Variants in SHROOM3 observed in about 807,000 individuals in gnomAD.
SHROOM3 encodes protein Shroom3.
SHROOM3 carries 47 observed loss-of-function variants against 138.6 expected under a neutral mutation model. The observed-to-expected ratio is 0.34, with a 90% CI of 0.27 to 0.43. The LOEUF is 0.43. SHROOM3 is among the 20% of genes least tolerant of loss of function. SHROOM3 has a pLI of 1.00. For missense variants in SHROOM3, 2,491 were observed against 2,596.5 expected (o/e 0.96, Z 0.88); for synonymous variants, 1,062 against 1,063.3 (o/e 1.00, Z 0.02).
intron 1 of SHROOM3, among the ~76,000 whole-genome samples, chr4:76,494,398 C>T (rs149084763): frequency 4.6e-5 from 7 of 152,248 alleles, no homozygotes; most frequent in African/African-American, 1.2e-4. Context: ...TAACATTGTG[C>T]GCTACTAGTT....
intron 1 of SHROOM3, among the ~76,000 whole-genome samples, chr4:76,476,595 A>C (rs567511324): frequency 1.7e-4 from 26 of 152,330 alleles, no homozygotes; most frequent in African/African-American, 6.3e-4. Flanking sequence ...CTTGGTTATC[A>C]GTTTTACTTA....
intron 4 of SHROOM3, among the ~76,000 whole-genome samples, chr4:76,735,568 G>A (rs1022137292): frequency 6.6e-6 from 1 of 151,692 alleles, no homozygotes; most frequent in Non-Finnish European, 1.5e-5. Context: ...GGCTGGGCAC[G>A]GTGGCTCACG....
At position 76,552,115 on chromosome 4, in the gene SHROOM3, C is replaced by T. The variant is rs967660951; in HGVS notation, c.169-3494C>T. Among the ~76,000 whole-genome samples, 10 of 150,232 alleles carry T rather than the reference C, an allele frequency of 6.7e-5. No individual in the cohort carries two copies. In the East Asian group the frequency reaches 1.5e-3, roughly 23 times the overall value. ...TGACCTTGTGATCCGCCCGCCTCGG[C>T]CCCCCTAAATTGCTGGGATTACAGG... On this transcript the variant is annotated intron_variant, in intron 1 of 10. Transcript: ENST00000296043.
At chr4:76,681,629 G>GTGTGTGTGTATGTATGTA (rs1553936181) in intron 2 of SHROOM3, among the ~76,000 whole-genome samples, 1 of 150,934 alleles carries the variant, frequency 6.6e-6, no homozygotes, top group African/African-American at 2.5e-5. Flanking sequence ...GTGTGTGTGT[G>GTGTGTGTGTATGTATGTA]TGTGTATGTG....
chr4:76,729,184 C>T (rs975692629), intron 3 of SHROOM3, among the ~76,000 whole-genome samples: 2 of 152,118 alleles, frequency 1.3e-5, no homozygotes, highest in African/African-American at 2.4e-5. Context: ...AGGGTGATTA[C>T]GAAATTTACC....
intron 2 of SHROOM3, among the ~76,000 whole-genome samples, chr4:76,596,005 A>G (rs1262091945): frequency 2.0e-5 from 3 of 152,168 alleles, no homozygotes; most frequent in African/African-American, 7.2e-5. Context: ...TTACCCCTGC[A>G]TGCACACACA....
chr4:76,495,136 C>T (rs1471124172), intron 1 of SHROOM3, among the ~76,000 whole-genome samples: 1 of 152,214 alleles, frequency 6.6e-6, no homozygotes, highest in East Asian at 1.9e-4. Flanking sequence ...TGGAGGCACG[C>T]AGTACACTGA....
chr4:76,747,933 T>C (rs529317279), intron 5 of SHROOM3, among the ~76,000 whole-genome samples: 3 of 152,338 alleles, frequency 2.0e-5, no homozygotes, highest in Non-Finnish European at 4.4e-5. Flanking sequence ...GGGCAAGATA[T>C]GTCACCTTGC....
intron 1 of SHROOM3, among the ~76,000 whole-genome samples, chr4:76,497,830 C>T (rs1341807904): frequency 6.6e-6 from 1 of 151,930 alleles, no homozygotes; most frequent in Non-Finnish European, 1.5e-5. Flanking sequence ...TGCACTCTAG[C>T]GTGGGCAACA....
chr4:76,750,732 A>G (rs1329708757), intron 6 of SHROOM3, among the ~76,000 whole-genome samples: 1 of 152,128 alleles, frequency 6.6e-6, no homozygotes, highest in Non-Finnish European at 1.5e-5. Flanking sequence ...GCTCAGTGGC[A>G]ATATCGACAA....
At chr4:76,646,225 AATAT>A (rs371944513) in intron 2 of SHROOM3, among the ~76,000 whole-genome samples, 2 of 96,266 alleles carry the variant, frequency 2.1e-5, no homozygotes, top group Non-Finnish European at 4.0e-5. Context: ...ATAATAAATA[AATAT>A]ATATATATAT....
chr4:76,704,777 C>A (rs1330850435), intron 2 of SHROOM3, among the ~76,000 whole-genome samples: 1 of 152,012 alleles, frequency 6.6e-6, no homozygotes. Context: ...TGGGTAGACA[C>A]TGGATTGGAG....
At chr4:76,504,352 T>A (rs1176773934) in intron 1 of SHROOM3, among the ~76,000 whole-genome samples, 1 of 152,026 alleles carries the variant, frequency 6.6e-6, no homozygotes, top group Non-Finnish European at 1.5e-5. Flanking sequence ...GGAGACAGTG[T>A]TTTACCACAT....
chr4:76,466,228 A>G (rs1731247056), intron 1 of SHROOM3, among the ~76,000 whole-genome samples: 1 of 152,194 alleles, frequency 6.6e-6, no homozygotes, highest in African/African-American at 2.4e-5. Flanking sequence ...TTGCCTAGGC[A>G]TTGGGGTCAG....
chr4:76,631,004 T>A (rs1735300210), intron 2 of SHROOM3, among the ~76,000 whole-genome samples: 1 of 152,106 alleles, frequency 6.6e-6, no homozygotes, highest in South Asian at 2.1e-4. Context: ...GTAGGATGAA[T>A]AAGATAGATG....
intron 1 of SHROOM3, among the ~76,000 whole-genome samples, chr4:76,481,627 C>T (rs774450951): frequency 3.9e-5 from 6 of 152,174 alleles, no homozygotes; most frequent in Non-Finnish European, 7.3e-5. Context: ...GGGACTCCCC[C>T]CTAACTCATG....
chr4:76,726,476 C>CT (rs1720707881), intron 3 of SHROOM3, among the ~76,000 whole-genome samples: 1 of 146,838 alleles, frequency 6.8e-6, no homozygotes, highest in Non-Finnish European at 1.5e-5. Flanking sequence ...TTCGCATGCC[C>CT]CAGAATGAGC....
chr4:76,689,342 A>T (rs2110106835), intron 2 of SHROOM3, among the ~76,000 whole-genome samples: 1 of 151,910 alleles, frequency 6.6e-6, no homozygotes, highest in African/African-American at 2.4e-5. Flanking sequence ...CTGTGGGATT[A>T]CCTGGTGGCG....
chr4:76,504,597 C>A (rs1439103484), intron 1 of SHROOM3, among the ~76,000 whole-genome samples: 1 of 152,118 alleles, frequency 6.6e-6, no homozygotes, highest in Non-Finnish European at 1.5e-5. Context: ...GCTTTTTGAA[C>A]TTTTAAATAT....
Sources: allele counts gnomAD v4.1 joint callset (sites outside exome capture counted in the v4.1 genomes callset), GRCh38; gene constraint gnomAD v4.1.1; transcripts MANE v1.5; gene names NCBI Gene and HGNC (gene_info 2026-07-23, HGNC 2026-07-21).